Variants in NAT16 observed in about 807,000 individuals in gnomAD.
NAT16 encodes the protein probable N-acetyltransferase 16.
In NAT16, 16 loss-of-function variants were observed where a neutral mutation model predicts 15.9. That is an observed-to-expected ratio of 1.01 (90% CI 0.68 to 1.53). The LOEUF (loss-of-function observed/expected upper bound fraction) is 1.53, where lower values mean the gene tolerates loss of function less well. Ranked by LOEUF, NAT16 falls within the 40% of genes most tolerant of loss-of-function variation. The pLI is 0.00. For missense variants in NAT16, 572 were observed against 508.4 expected, an observed-to-expected ratio of 1.13 and a Z score of -1.20; for synonymous variants, 260 against 241.9, an observed-to-expected ratio of 1.07 and a Z score of -0.69.
chr7:101,175,016 G>C (rs531967892), intron 1 of NAT16, among the ~76,000 whole-genome samples: 1 of 151,948 alleles, frequency 6.6e-6, no homozygotes, highest in Non-Finnish European at 1.5e-5. Context: ...GTGCAGTGGC[G>C]CGATCTCGGC....
chr7:101,178,127 G>T (rs1286471794), intron 1 of NAT16, among the ~76,000 whole-genome samples: 3 of 152,174 alleles, frequency 2.0e-5, no homozygotes, highest in Non-Finnish European at 4.4e-5. Flanking sequence ...TTACAGTGGG[G>T]AGACCCTTTC....
At chr7:101,173,604 A>C in intron 2 of NAT16, 84 bp from the exon 3 acceptor site, 1 of 1,257,384 alleles carries the variant, frequency 8.0e-7, no homozygotes, top group Non-Finnish European at 1.1e-6. Flanking sequence ...TCCTCTTCCC[A>C]CACGCTGAGC....
At chr7:101,176,502 A>AG (rs1300926591) in intron 1 of NAT16, among the ~76,000 whole-genome samples, 3 of 45,684 alleles carry the variant, frequency 6.6e-5, no homozygotes, top group Admixed American at 5.3e-4. Flanking sequence ...CTCTGTCTCA[A>AG]GAAAAAAAAA....
Position 101,174,775 on chromosome 7 carries a change from G to T in NAT16, c.33C>A (p.Thr11=). 2 of 1,587,950 alleles carry T rather than the reference G, an allele frequency of 1.3e-6. No individual in the cohort carries two copies. The highest frequency in any genetic ancestry group is 1.7e-6 in the Non-Finnish European group (2 of 1,168,732). The change falls in exon 2 of 4, where the codon ACC becomes ACA. Residue 11 remains threonine, a synonymous_variant. Coordinates refer to ENST00000300303, the MANE Select transcript of NAT16 (RefSeq NM_198571.3). Reference sequence around the variant, plus strand: ...TCTTTTCCGGCTTAGGGACCTCTGAGGTGGCTGTGCCACAGCTGGCTTCCA... The same window carrying T: ...TCTTTTCCGGCTTAGGGACCTCTGATGTGGCTGTGCCACAGCTGGCTTCCA... The part of the protein sequence containing the change: MKLEASCGTA[T]SEVPKPEKKT...
At chr7:101,176,146 G>A (rs570820966) in intron 1 of NAT16, among the ~76,000 whole-genome samples, 9 of 152,178 alleles carry the variant, frequency 5.9e-5, no homozygotes, top group African/African-American at 2.2e-4. Context: ...CCTCCATATT[G>A]CTGCCCCAGT....
Position 101,172,374 on chromosome 7 carries a change from G to T in NAT16, c.815C>A (p.Ala272Glu), listed in dbSNP as rs769707992. 3.8e-6 allele frequency: 6 copies of T among 1,572,086 alleles called. No individual in the cohort carries two copies. The South Asian group carries it at 6.8e-5, about 18-fold the overall frequency. ...KGLEWRVDSRARPRVLTLCTR... is the reference protein window; with the variant it reads ...KGLEWRVDSRERPRVLTLCTR... ...GCACAGCGTGAGCACGCGCGGGCGC[G>T]CGCGGCTGTCCACGCGCCACTCCAG... The change falls in exon 4 of 4, where the codon GCG becomes GAG. Residue 272 changes from alanine to glutamate, a missense_variant. Coordinates refer to ENST00000300303, the MANE Select transcript of NAT16 (RefSeq NM_198571.3). This position sits in a 1 kb window ranked among gnomAD's most constrained non-coding sequence, Gnocchi z 4.2.
chr7:101,173,516 G>T lies in NAT16; in HGVS notation c.317C>A (p.Ala106Glu). 1 of 1,592,276 alleles carries T rather than the reference G, an allele frequency of 6.3e-7. No homozygotes were observed. Among genetic ancestry groups the T allele is most frequent in the Non-Finnish European group, 8.6e-7 (1 of 1,168,358 alleles). ...VLAKRNGGVI[A>E]LESVNVIDAG... ...GTCGATCACGTTCACCGACTCCAGC[G>T]CGATCTGCGGACCGAGGCCGTTAGC... is the stretch of plus-strand genomic sequence containing the variant. The change falls in exon 3 of 4, where the codon GCG becomes GAG. Residue 106 changes from alanine (A) to glutamate (E), a missense_variant. Transcript: ENST00000300303.
At position 101,173,518 on chromosome 7, in the gene NAT16, G is replaced by C; in HGVS notation, c.315C>G (p.Ile105Met). ...VVLAKRNGGV[I>M]ALESVNVIDA... Reference sequence around the variant, plus strand: ...CGATCACGTTCACCGACTCCAGCGCGATCTGCGGACCGAGGCCGTTAGCGC... The same window carrying C: ...CGATCACGTTCACCGACTCCAGCGCCATCTGCGGACCGAGGCCGTTAGCGC... Residue 105 changes from isoleucine to methionine, a missense_variant and splice_region_variant, in exon 3 of 4, where the codon ATC becomes ATG. Ile to Met is a conservative substitution (Grantham distance 10). Transcript: ENST00000300303. The C allele has an allele frequency of 3.1e-6, 5 of 1,591,128 alleles. No homozygotes were observed. The highest frequency in any genetic ancestry group is 4.3e-6 in the Non-Finnish European group (5 of 1,167,786).
At chr7:101,178,889 C>CAAA (rs71126381) in intron 1 of NAT16, among the ~76,000 whole-genome samples, 15 of 62,084 alleles carry the variant, frequency 2.4e-4, no homozygotes, top group Admixed American at 7.3e-4. Flanking sequence ...GAAACGCTGT[C>CAAA]AAAAAAAAAA....
chr7:101,177,087 G>T (rs1797484503), intron 1 of NAT16, among the ~76,000 whole-genome samples: 1 of 152,040 alleles, frequency 6.6e-6, no homozygotes, highest in Non-Finnish European at 1.5e-5. Flanking sequence ...TTTCTCATCT[G>T]ATTCCAACAC....
intron 1 of NAT16, among the ~76,000 whole-genome samples, chr7:101,176,201 T>C (rs1438885597): frequency 1.3e-5 from 2 of 152,076 alleles, no homozygotes; most frequent in African/African-American, 2.4e-5. Flanking sequence ...CATTCAAATA[T>C]AAACAAGATA....
intron 1 of NAT16, among the ~76,000 whole-genome samples, chr7:101,178,136 T>G (rs1350991642): frequency 1.3e-5 from 2 of 152,156 alleles, no homozygotes; most frequent in African/African-American, 2.4e-5. Context: ...GGAGACCCTT[T>G]CCAAATGGCA....
In NAT16 at chr7:101,172,860, C is replaced by T. The variant is rs1242435476; in HGVS notation, c.538-209G>A. Among the ~76,000 whole-genome samples, 3 of 152,166 alleles carry T rather than the reference C, an allele frequency of 2.0e-5. No individual in the cohort carries two copies. The highest frequency in any genetic ancestry group is 1.9e-4 in the East Asian group (1 of 5,182). Reference sequence around the variant, plus strand: ...ACCAGACAGGGACCAGGGGCACGGGCTCCCAGTACGTGGATCCCCAAGAAG... The same window carrying T: ...ACCAGACAGGGACCAGGGGCACGGGTTCCCAGTACGTGGATCCCCAAGAAG... On this transcript the variant is annotated intron_variant, in intron 3 of 3. Transcript: ENST00000300303. This position sits in a 1 kb window ranked among gnomAD's most constrained non-coding sequence, Gnocchi z 4.2.
At chr7:101,174,063 G>A (rs1443878155) in intron 2 of NAT16, 2 of 270,566 alleles carry the variant, frequency 7.4e-6, no homozygotes, top group Non-Finnish European at 1.4e-5. Flanking sequence ...AGCTCCGAGT[G>A]TGTCAAGTTC....
chr7:101,173,504 AC>A lies in NAT16; in HGVS notation c.328del (p.Val110Ter). On this transcript the variant is annotated frameshift_variant, in exon 3 of 4. Transcript: ENST00000300303. LOFTEE classifies it high-confidence loss of function. Reference sequence around the variant, plus strand: ...CGTCTCCCCGGCGTCGATCACGTTCACCGACTCCAGCGCGATCTGCGGACCG... The same window carrying A: ...CGTCTCCCCGGCGTCGATCACGTTCACGACTCCAGCGCGATCTGCGGACCG... ...RNGGVIALES[V>X]NVIDAGETVL... 6.2e-7 allele frequency: 1 copy of A among 1,601,708 alleles called. No individual in the cohort carries two copies. The highest frequency in any genetic ancestry group is 8.5e-7 in the Non-Finnish European group (1 of 1,173,140).
At position 101,172,274 on chromosome 7, in the gene NAT16, G is replaced by A. The variant is rs1797341298; in HGVS notation, c.915C>T (p.Asp305=). ...RYLNIDAFGS[D]GAQVQSQLLW... is the part of the protein sequence containing the mutation. Reference sequence around the variant, plus strand: ...GCAGCTGGCTCTGCACCTGCGCGCCGTCGCTACCGAAGGCGTCGATGTTGA... The same window carrying A: ...GCAGCTGGCTCTGCACCTGCGCGCCATCGCTACCGAAGGCGTCGATGTTGA... Residue 305 remains aspartate (D), a synonymous_variant, in exon 4 of 4, where the codon GAC becomes GAT. Coordinates refer to ENST00000300303, the MANE Select transcript of NAT16 (RefSeq NM_198571.3). The surrounding 1 kb of genome is among the most constrained non-coding windows in gnomAD (Gnocchi z 4.2). 3.1e-6 allele frequency: 5 copies of A among 1,612,426 alleles called. No individual in the cohort carries two copies. Among genetic ancestry groups the A allele is most frequent in the African/African-American group, 1.3e-5 (1 of 74,880 alleles).
chr7:101,178,791 T>C (rs1797524390), intron 1 of NAT16, among the ~76,000 whole-genome samples: 1 of 139,426 alleles, frequency 7.2e-6, no homozygotes, highest in African/African-American at 2.7e-5. Flanking sequence ...CTCAGGAGGC[T>C]GAGGCAGGAG....
At chr7:101,174,892 T>C (rs1214413992) in intron 1 of NAT16, 81 bp from the exon 2 acceptor site, 15 of 1,462,318 alleles carry the variant, frequency 1.0e-5, no homozygotes, top group Non-Finnish European at 1.3e-5. Flanking sequence ...ACGGTCCTAA[T>C]GCCCCTTCCT....
rs146332959 is a variant in NAT16, at chr7:101,174,759, G to T, written c.49C>A (p.Pro17Thr). ...CGTATSEVPK[P>T]EKKTARDAEP... is the part of the protein sequence containing the mutation. The stretch of plus-strand genomic sequence containing the variant: ...GCATCTCGGGCAGTCTTCTTTTCCG[G>T]CTTAGGGACCTCTGAGGTGGCTGTG... Residue 17 changes from proline to threonine, a missense_variant, in exon 2 of 4, where the codon CCG (proline) becomes ACG (threonine). Transcript: ENST00000300303. 12 of 1,601,826 alleles carry T rather than the reference G, an allele frequency of 7.5e-6. No individual in the cohort carries two copies. In the South Asian group the frequency reaches 9.9e-5, roughly 13 times the overall value.
Sources: gnomAD v4.1 joint callset for allele counts (sites outside exome capture counted in the v4.1 genomes callset) on GRCh38, gnomAD v4.1.1 for gene constraint, Gnocchi (gnomAD v3.1) non-coding constraint, MANE v1.5 for transcripts, NCBI Gene and HGNC (gene_info 2026-07-23, HGNC 2026-07-21) for gene names.